Variants in PHC2 observed in about 807,000 individuals in gnomAD.
PHC2 encodes polyhomeotic-like protein 2.
Under a neutral mutation model 87.4 loss-of-function variants are expected in PHC2, and 29 were observed. The observed-to-expected ratio is 0.33, with a 90% CI of 0.25 to 0.45. PHC2 has a LOEUF of 0.45. Among genes scored for constraint, PHC2 ranks in the 20% least tolerant of loss-of-function variants. The pLI, the probability that PHC2 is intolerant of heterozygous loss-of-function variation, is 1.00. For synonymous variants in PHC2, 438 were observed against 461.7 expected (o/e 0.95, Z 0.66); for missense variants, 857 against 1,136.7 (o/e 0.75, Z 3.54).
chr1:33,376,331 G>A (rs1253645187), intron 1 of PHC2, among the ~76,000 whole-genome samples: 4 of 152,328 alleles, frequency 2.6e-5, no homozygotes, highest in Non-Finnish European at 2.9e-5. Flanking sequence ...CGCCATGCCC[G>A]ACCACTTGGG....
At chr1:33,398,827 C>T (rs1274664630) in intron 1 of PHC2, among the ~76,000 whole-genome samples, 1 of 152,168 alleles carries the variant, frequency 6.6e-6, no homozygotes, top group African/African-American at 2.4e-5. Flanking sequence ...AGGATGGCTT[C>T]ACAACAGAGG....
chr1:33,398,912 C>T (rs1467477832), intron 1 of PHC2, among the ~76,000 whole-genome samples: 3 of 152,116 alleles, frequency 2.0e-5, no homozygotes, highest in African/African-American at 7.2e-5. Context: ...CAGTTGACCT[C>T]GATAGCCTCG....
At chr1:33,418,282 G>C (rs79518053) in intron 1 of PHC2, among the ~76,000 whole-genome samples, 3,484 of 152,100 alleles carry the variant, frequency 0.023, 37 homozygotes, top group Non-Finnish European at 0.026. Context: ...GAAATGAAAA[G>C]CTGGCTCTTT....
intron 14 of PHC2, among the ~76,000 whole-genome samples, chr1:33,328,039 TC>T (rs1646408992): frequency 3.3e-5 from 5 of 152,264 alleles, no homozygotes; most frequent in Non-Finnish European, 7.3e-5. Context: ...AAGTCTGTGC[TC>T]TTAACCACAC....
At chr1:33,428,514 T>C (rs140131533) in intron 1 of PHC2, among the ~76,000 whole-genome samples, 291 of 152,344 alleles carry the variant, frequency 1.9e-3, no homozygotes, top group African/African-American at 6.7e-3. Flanking sequence ...AAAAAGGCCT[T>C]TATCTGATTC....
intron 1 of PHC2, among the ~76,000 whole-genome samples, chr1:33,391,653 GAA>G (rs11315105): frequency 1.4e-3 from 195 of 140,060 alleles, no homozygotes; most frequent in African/African-American, 4.5e-3. Context: ...CCTTTGATAG[GAA>G]AAAAAAAAAA....
intron 1 of PHC2, among the ~76,000 whole-genome samples, chr1:33,405,932 T>G (rs998659395): frequency 6.6e-6 from 1 of 152,216 alleles, no homozygotes; most frequent in Non-Finnish European, 1.5e-5. Context: ...TTATAACTGT[T>G]CCTTCCATGT....
At chr1:33,344,881 C>T (rs1570464816) in intron 9 of PHC2, among the ~76,000 whole-genome samples, 1 of 152,086 alleles carries the variant, frequency 6.6e-6, no homozygotes, top group Non-Finnish European at 1.5e-5. Context: ...GCATGAGCCA[C>T]CGTGCCTGGT....
At chr1:33,430,278 C>G (rs930873656) in intron 1 of PHC2, among the ~76,000 whole-genome samples, 3 of 152,242 alleles carry the variant, frequency 2.0e-5, no homozygotes, top group African/African-American at 7.2e-5. Flanking sequence ...GCACAGAAAA[C>G]AAGGGACCAG....
At chr1:33,415,799 G>C (rs978198588) in intron 1 of PHC2, among the ~76,000 whole-genome samples, 22 of 152,194 alleles carry the variant, frequency 1.4e-4, no homozygotes, top group African/African-American at 4.1e-4. Context: ...ATGAGGACAA[G>C]AGAAAGGGAA....
At chr1:33,391,363 T>C (rs1649044472) in intron 1 of PHC2, among the ~76,000 whole-genome samples, 1 of 152,250 alleles carries the variant, frequency 6.6e-6, no homozygotes, top group African/African-American at 2.4e-5. Context: ...CTAAAGGCTT[T>C]GCAGAGCATC....
At chr1:33,408,891 G>C (rs1400246024) in intron 1 of PHC2, among the ~76,000 whole-genome samples, 1 of 152,204 alleles carries the variant, frequency 6.6e-6, no homozygotes, top group African/African-American at 2.4e-5. Flanking sequence ...GAGAGAACCA[G>C]ACTCTCAGGA....
At chr1:33,371,571 A>G (rs544895280) in intron 3 of PHC2, among the ~76,000 whole-genome samples, 229 of 152,254 alleles carry the variant, frequency 1.5e-3, no homozygotes, top group Admixed American at 2.7e-3. Flanking sequence ...ATTTGCAGAC[A>G]TGAGCTGGAG....
At chr1:33,384,473 A>G (rs1648642792) in intron 1 of PHC2, among the ~76,000 whole-genome samples, 2 of 152,186 alleles carry the variant, frequency 1.3e-5, no homozygotes, top group Non-Finnish European at 2.9e-5. Context: ...TGAAACCTCA[A>G]AATACCTCCA....
At chr1:33,333,068 C>T (rs978218447) in intron 10 of PHC2, among the ~76,000 whole-genome samples, 1 of 152,132 alleles carries the variant, frequency 6.6e-6, no homozygotes, top group Non-Finnish European at 1.5e-5. Context: ...TGCCTCCACC[C>T]CATGAGATCA....
chr1:33,340,731 C>G (rs577121584), intron 9 of PHC2, among the ~76,000 whole-genome samples: 1 of 151,992 alleles, frequency 6.6e-6, no homozygotes, highest in African/African-American at 2.4e-5. Flanking sequence ...GAGGGAGTTG[C>G]GGGGAGGAGG....
Position 33,334,305 on chromosome 1 carries a change from G to T in PHC2, c.1559-13C>A. 6.2e-7 allele frequency: 1 copy of T among 1,610,718 alleles called. No individual in the cohort carries two copies. ...CCCTGCCCTGTCTCTGCACGAGAGA[G>T]AGTAGGAAAACAAAGCAGGGGAGAT... On this transcript the variant is annotated splice_polypyrimidine_tract_variant and intron_variant, in intron 9 of 14. Transcript: ENST00000683057. The surrounding 1 kb of genome is among the most constrained non-coding windows in gnomAD (Gnocchi z 5.5).
chr1:33,335,397 C>G, intron 9 of PHC2: 1 of 951,924 alleles, frequency 1.1e-6, no homozygotes, highest in Non-Finnish European at 1.3e-6. Context: ...TTTATTGCAA[C>G]AAGTCCATTA....
At chr1:33,336,938 A>G (rs761682218) in intron 9 of PHC2, 4 of 152,238 alleles carry the variant, frequency 2.6e-5, no homozygotes, top group African/African-American at 4.8e-5. Context: ...TTGATGATTC[A>G]ATCAAATTAA....
Sources: gnomAD v4.1 joint callset for allele counts (sites outside exome capture counted in the v4.1 genomes callset) on GRCh38, gnomAD v4.1.1 for gene constraint, Gnocchi (gnomAD v3.1) non-coding constraint, MANE v1.5 for transcripts, NCBI Gene and HGNC (gene_info 2026-07-23, HGNC 2026-07-21) for gene names.